Variants in ZBTB20 observed in about 807,000 individuals in gnomAD.
The protein encoded by ZBTB20 is zinc finger and BTB domain-containing protein 20.
ZBTB20 carries 9 observed loss-of-function variants against 56.9 expected under a neutral mutation model. The ratio of observed to expected loss-of-function variants is 0.16; its 90% CI spans 0.10 to 0.28. The LOEUF (loss-of-function observed/expected upper bound fraction) is 0.28, where lower values mean the gene tolerates loss of function less well. Ranked by LOEUF, ZBTB20 falls within the 10% of genes least tolerant of loss-of-function variation. ZBTB20 has a pLI of 1.00. For synonymous variants in ZBTB20, 417 were observed against 420.7 expected (o/e 0.99, Z 0.11); for missense variants, 655 against 1,003.0 (o/e 0.65, Z 4.69).
intron 2 of ZBTB20, among the ~76,000 whole-genome samples, chr3:114,987,866 A>G (rs755592222): frequency 1.3e-5 from 2 of 152,148 alleles, no homozygotes; most frequent in Non-Finnish European, 2.9e-5. Context: ...AACATGTTGA[A>G]AGGGAGGGAA....
chr3:114,456,865 C>A (rs972736237), intron 7 of ZBTB20, among the ~76,000 whole-genome samples: 1 of 152,226 alleles, frequency 6.6e-6, no homozygotes, highest in Non-Finnish European at 1.5e-5. Context: ...GCTTCAGCAA[C>A]AACATTGCTA....
rs1303300493 is a variant in ZBTB20, at chr3:115,032,882, G to A, written c.-507+38337C>T. Among the ~76,000 whole-genome samples the A allele has an allele frequency of 1.6e-4, 23 of 140,268 alleles. No homozygotes were observed. In the Admixed American group the frequency reaches 1.7e-3, roughly 10 times the overall value. The allele number at this position is 140,268 out of a possible 152,430, so 92.0% of individuals were successfully genotyped here. ...CAGCAAAAGGAGTGCTAAGGGGAAA[G>A]TTTATAATTATAAATGCTTACATTA... On this transcript the variant is annotated intron_variant, in intron 2 of 11. Coordinates refer to ENST00000675478, the MANE Select transcript of ZBTB20 (RefSeq NM_001348800.3).
At chr3:114,555,701 C>T (rs569740538) in intron 6 of ZBTB20, among the ~76,000 whole-genome samples, 1 of 152,214 alleles carries the variant, frequency 6.6e-6, no homozygotes, top group East Asian at 1.9e-4. Context: ...GATAATGCTC[C>T]ATAGAGGCCT....
intron 5 of ZBTB20, among the ~76,000 whole-genome samples, chr3:114,793,685 C>T (rs569416033): frequency 2.0e-5 from 3 of 152,126 alleles, no homozygotes; most frequent in African/African-American, 4.8e-5. Flanking sequence ...AACTAACTAG[C>T]ATCCAAGAGA....
chr3:114,509,424 TG>T (rs368727818), intron 6 of ZBTB20, among the ~76,000 whole-genome samples: 4 of 148,668 alleles, frequency 2.7e-5, no homozygotes, highest in African/African-American at 4.9e-5. Flanking sequence ...TGTGTGTGTG[TG>T]GTGGTGGTGG....
intron 10 of ZBTB20, chr3:114,357,254 A>G (rs1157819484): frequency 6.6e-6 from 1 of 152,240 alleles, no homozygotes; most frequent in Non-Finnish European, 1.5e-5. Context: ...CATAAAACAT[A>G]TATCAATTGT....
chr3:114,635,388 T>C (rs1226926422), intron 6 of ZBTB20, among the ~76,000 whole-genome samples: 1 of 152,038 alleles, frequency 6.6e-6, no homozygotes, highest in Admixed American at 6.6e-5. Flanking sequence ...CTACTTCAAA[T>C]ATACAGATCA....
At chr3:114,928,361 G>C (rs957545828) in intron 3 of ZBTB20, among the ~76,000 whole-genome samples, 4 of 151,178 alleles carry the variant, frequency 2.6e-5, no homozygotes, top group Non-Finnish European at 3.0e-5. Context: ...AGAACCTCAA[G>C]GTTCTTCAAT....
intron 3 of ZBTB20, among the ~76,000 whole-genome samples, chr3:114,902,054 C>T (rs2075141167): frequency 6.6e-6 from 1 of 152,088 alleles, no homozygotes; most frequent in Non-Finnish European, 1.5e-5. Context: ...TAAATTAATT[C>T]AGTCACAAAT....
At chr3:115,090,071 C>T (rs894689499) in intron 1 of ZBTB20, among the ~76,000 whole-genome samples, 1 of 151,714 alleles carries the variant, frequency 6.6e-6, no homozygotes, top group Non-Finnish European at 1.5e-5. Context: ...AATATGGAAG[C>T]CCAAATACCA....
At chr3:114,781,765 TC>T (rs2070115687) in intron 5 of ZBTB20, among the ~76,000 whole-genome samples, 1 of 152,102 alleles carries the variant, frequency 6.6e-6, no homozygotes, top group Non-Finnish European at 1.5e-5. Context: ...GGGGGCGGTT[TC>T]CCCCATACTG....
chr3:114,588,355 T>C (rs1219567270), intron 6 of ZBTB20, among the ~76,000 whole-genome samples: 1 of 152,196 alleles, frequency 6.6e-6, no homozygotes, highest in East Asian at 1.9e-4. Context: ...AGTCTTAAAA[T>C]GAATATGTGT....
intron 8 of ZBTB20, among the ~76,000 whole-genome samples, chr3:114,382,924 G>C (rs1224632007): frequency 6.6e-6 from 1 of 152,140 alleles, no homozygotes; most frequent in Non-Finnish European, 1.5e-5. Flanking sequence ...AACAGGACTG[G>C]TTCCTTCCCT....
chr3:114,932,891 T>C (rs1444646934), intron 3 of ZBTB20, among the ~76,000 whole-genome samples: 1 of 152,144 alleles, frequency 6.6e-6, no homozygotes, highest in African/African-American at 2.4e-5. Context: ...GAACAATAGA[T>C]TGCAGCAGAA....
At chr3:114,520,897 C>T (rs1034362764) in intron 6 of ZBTB20, among the ~76,000 whole-genome samples, 1 of 152,064 alleles carries the variant, frequency 6.6e-6, no homozygotes, top group African/African-American at 2.4e-5. Context: ...ACCCATCTGC[C>T]AAAGTTCCAT....
chr3:114,960,882 A>C (rs2077424801), intron 3 of ZBTB20, among the ~76,000 whole-genome samples: 2 of 152,166 alleles, frequency 1.3e-5, no homozygotes, highest in Non-Finnish European at 2.9e-5. Context: ...GGAGCATAGG[A>C]AGAAAATCAA....
At chr3:115,041,424 T>C (rs1321136524) in intron 2 of ZBTB20, among the ~76,000 whole-genome samples, 1 of 152,196 alleles carries the variant, frequency 6.6e-6, no homozygotes, top group Non-Finnish European at 1.5e-5. Flanking sequence ...TTGGTTCACT[T>C]TGTCATGTTT....
intron 6 of ZBTB20, among the ~76,000 whole-genome samples, chr3:114,551,150 GT>G (rs1358965054): frequency 1.3e-5 from 2 of 152,148 alleles, no homozygotes; most frequent in Non-Finnish European, 2.9e-5. Context: ...TAAATCGATT[GT>G]TTTTTAATCG....
intron 1 of ZBTB20, among the ~76,000 whole-genome samples, chr3:115,087,716 T>C (rs1359978920): frequency 2.0e-5 from 3 of 151,956 alleles, no homozygotes; most frequent in African/African-American, 4.8e-5. Context: ...TCTTAATCTG[T>C]GATGCAAGGG....
Sources: gnomAD v4.1 joint callset for allele counts (sites outside exome capture counted in the v4.1 genomes callset) on GRCh38, gnomAD v4.1.1 for gene constraint, MANE v1.5 for transcripts, NCBI Gene and HGNC (gene_info 2026-07-23, HGNC 2026-07-21) for gene names.